Variants in TRAPPC10 observed in about 807,000 individuals in gnomAD.
The protein encoded by TRAPPC10 is trafficking protein particle complex subunit 10.
Under a neutral mutation model 125.5 loss-of-function variants are expected in TRAPPC10, and 23 were observed. The observed-to-expected ratio is 0.18, with a 90% CI of 0.13 to 0.26. TRAPPC10 has a LOEUF of 0.26. TRAPPC10 is among the 10% of genes least tolerant of loss of function. The probability of loss-of-function intolerance (pLI) is 1.00; values close to 1 mark genes in which losing one functional copy is unlikely to be tolerated. For missense variants in TRAPPC10, 1,123 were observed against 1,308.4 expected (o/e 0.86, Z 2.19); for synonymous variants, 509 against 518.0 (o/e 0.98, Z 0.24).
At chr21:44,060,578 A>T (rs1383945825) in intron 6 of TRAPPC10, among the ~76,000 whole-genome samples, 1 of 148,516 alleles carries the variant, frequency 6.7e-6, no homozygotes, top group Non-Finnish European at 1.5e-5. Context: ...GCCCGGCCTT[A>T]TGTGTCCATA....
chr21:44,083,853 A>G (rs1275915393), intron 14 of TRAPPC10, among the ~76,000 whole-genome samples: 1 of 152,218 alleles, frequency 6.6e-6, no homozygotes, highest in Non-Finnish European at 1.5e-5. Flanking sequence ...ATGTCTCTAC[A>G]ATGCCACAAA....
chr21:44,054,007 T>C (rs1282374627), intron 4 of TRAPPC10, among the ~76,000 whole-genome samples: 2 of 152,184 alleles, frequency 1.3e-5, no homozygotes, highest in African/African-American at 4.8e-5. Flanking sequence ...CAGTTACTGT[T>C]TTGGTGGTTG....
In TRAPPC10 at chr21:44,036,739, G is replaced by T. The variant is rs576609300; in HGVS notation, c.150-1053G>T. Among the ~76,000 whole-genome samples the T allele has an allele frequency of 5.9e-5, 9 of 152,322 alleles. No individual in the cohort carries two copies. The East Asian group carries it at 1.7e-3, about 29-fold the overall frequency. ...GTCTGCCAGCAACATGACATGTTTTGCTGAAGTTAAGGTGTCACTTTTTAA... is the reference window on the plus strand; with the variant it reads ...GTCTGCCAGCAACATGACATGTTTTTCTGAAGTTAAGGTGTCACTTTTTAA... On this transcript the variant is annotated intron_variant, in intron 2 of 22. Transcript: ENST00000291574.
In TRAPPC10 at chr21:44,059,334, T is replaced by A; in HGVS notation, c.790+120T>A. The A allele has an allele frequency of 1.4e-6, 1 of 702,226 alleles. No individual in the cohort carries two copies. Among genetic ancestry groups the A allele is most frequent in the East Asian group, 2.7e-5 (1 of 37,092 alleles). The allele number at this position is 702,226 out of a possible 1,614,324, so 43.5% of individuals were successfully genotyped here. The stretch of plus-strand genomic sequence containing the variant: ...TACGCATGTTTTGTTGTTGTCTTTA[T>A]ACACATTATATCGGATATATTCTCG... On this transcript the variant is annotated intron_variant, in intron 6 of 22. Transcript: ENST00000291574. This position sits in a 1 kb window ranked among gnomAD's most constrained non-coding sequence, Gnocchi z 4.4.
intron 12 of TRAPPC10, 138 bp downstream of exon 12, chr21:44,079,842 T>C: frequency 1.8e-6 from 2 of 1,091,606 alleles, no homozygotes; most frequent in Non-Finnish European, 2.6e-6. Context: ...GTATAGAAAA[T>C]GAATGAAATG....
chr21:44,061,268 C>T (rs2036032574), intron 6 of TRAPPC10, among the ~76,000 whole-genome samples: 1 of 152,324 alleles, frequency 6.6e-6, no homozygotes, highest in African/African-American at 2.4e-5. Flanking sequence ...TCCTGAGTAG[C>T]TGCGACTACA....
intron 3 of TRAPPC10, among the ~76,000 whole-genome samples, chr21:44,048,946 C>A (rs975277620): frequency 9.2e-5 from 14 of 151,966 alleles, no homozygotes; most frequent in Non-Finnish European, 1.6e-4. Flanking sequence ...TAATTAATAT[C>A]ATTGATGTGC....
In TRAPPC10 at chr21:44,082,082, A is replaced by G. The variant is rs931299673; in HGVS notation, c.1724-706A>G. Among the ~76,000 whole-genome samples the G allele has an allele frequency of 3.2e-4, 48 of 152,318 alleles. No individual in the cohort carries two copies. Among genetic ancestry groups the G allele is most frequent in the South Asian group, 4.1e-4 (2 of 4,826 alleles). ...TCTCTATACGAATAAAATATTCCAC[A>G]ATCGTTTACTGTTTCTCATGATCTA... On this transcript the variant is annotated intron_variant, in intron 13 of 22. Transcript: ENST00000291574. The surrounding 1 kb of genome is among the most constrained non-coding windows in gnomAD (Gnocchi z 4.4).
intron 1 of TRAPPC10, among the ~76,000 whole-genome samples, chr21:44,014,383 A>T (rs1206354620): frequency 6.8e-6 from 1 of 146,368 alleles, no homozygotes; most frequent in Non-Finnish European, 1.5e-5. Context: ...AGCAGAGTGA[A>T]TTTTTTTTTT....
chr21:44,067,705 G>A (rs755735486), intron 7 of TRAPPC10, among the ~76,000 whole-genome samples: 20 of 152,150 alleles, frequency 1.3e-4, no homozygotes, highest in Non-Finnish European at 2.5e-4. Context: ...TGCACACAGG[G>A]GACTGTAAGG....
rs994711202 is a variant in TRAPPC10 at position 44,055,624 on chromosome 21, G to A, written c.483-74G>A. ...AGGAAGGAAGAAAATTGCCGCTCAG[G>A]ACAATGGCAGCTGCTGAGTCGTGGT... On this transcript the variant is annotated intron_variant, in intron 4 of 22. Coordinates refer to ENST00000291574, the MANE Select transcript of TRAPPC10 (RefSeq NM_003274.5). 9.6e-6 allele frequency: 12 copies of A among 1,250,630 alleles called. 1 individual carries two copies. Among genetic ancestry groups the A allele is most frequent in the East Asian group, 2.4e-5 (1 of 42,502 alleles). 77.5% of individuals were successfully genotyped at this position (1,250,630 alleles called of 1,614,324 possible).
Position 44,063,858 on chromosome 21 carries a change from A to G in TRAPPC10, c.1038+73A>G. ...AGAAATCTCTGAACCTTGAGATCCCAGGCATTGAACTGTTTGTGCTTAAGA... is the reference window on the plus strand; with the variant it reads ...AGAAATCTCTGAACCTTGAGATCCCGGGCATTGAACTGTTTGTGCTTAAGA... On this transcript the variant is annotated intron_variant, in intron 7 of 22. Transcript: ENST00000291574. The surrounding 1 kb of genome is among the most constrained non-coding windows in gnomAD (Gnocchi z 4.4). 6.5e-7 allele frequency: 1 copy of G among 1,546,642 alleles called. No individual in the cohort carries two copies. Among genetic ancestry groups the G allele is most frequent in the Non-Finnish European group, 8.7e-7 (1 of 1,149,512 alleles).
At chr21:44,046,527 G>T in intron 3 of TRAPPC10, 1 of 184,692 alleles carries the variant, frequency 5.4e-6, no homozygotes, top group Non-Finnish European at 1.2e-5. Flanking sequence ...TTTTTTGGGG[G>T]GAGGATTGAA....
In TRAPPC10 at chr21:44,087,801, A is replaced by G. The variant is rs1463486178; in HGVS notation, c.2642A>G (p.Glu881Gly). Residue 881 changes from glutamate (E) to glycine (G), a missense_variant, in exon 17 of 23, where the codon GAA becomes GGA. By Grantham distance (98) the Glu-to-Gly change is moderately conservative. This residue lies in a region of TRAPPC10 where 840 missense variants were observed against 902.0 expected (regional missense o/e 0.93). Coordinates refer to ENST00000291574, the MANE Select transcript of TRAPPC10 (RefSeq NM_003274.5). The surrounding 1 kb of genome is among the most constrained non-coding windows in gnomAD (Gnocchi z 4.6). The part of the protein sequence containing the change: ...PAYHVIEFEL[E>G]VLSLPSAPAL... The stretch of plus-strand genomic sequence containing the variant: ...TACCACGTGATCGAATTTGAACTGG[A>G]AGTTCTCTCTTTACCTTCAGCCCCA... The G allele has an allele frequency of 6.2e-7, 1 of 1,614,230 alleles. No homozygotes were observed. Among genetic ancestry groups the G allele is most frequent in the Non-Finnish European group, 8.5e-7 (1 of 1,180,040 alleles).
chr21:44,012,924 C>T (rs1381569131), intron 1 of TRAPPC10, among the ~76,000 whole-genome samples: 11 of 152,112 alleles, frequency 7.2e-5, no homozygotes, highest in Admixed American at 6.5e-4. Flanking sequence ...CTGGGGGCCC[C>T]GGCCTCTTCC....
intron 1 of TRAPPC10, among the ~76,000 whole-genome samples, chr21:44,022,948 G>A (rs1352577095): frequency 6.6e-6 from 1 of 150,412 alleles, no homozygotes; most frequent in African/African-American, 2.5e-5. Flanking sequence ...TCTCCTTTTG[G>A]AAATTGGCAG....
chr21:44,019,635 G>A (rs1242773056), intron 1 of TRAPPC10, among the ~76,000 whole-genome samples: 1 of 152,046 alleles, frequency 6.6e-6, no homozygotes, highest in Admixed American at 6.6e-5. Flanking sequence ...TATATATAGG[G>A]CCTGCCTGGA....
At chr21:44,071,798 C>T (rs1331974180) in intron 7 of TRAPPC10, among the ~76,000 whole-genome samples, 1 of 152,340 alleles carries the variant, frequency 6.6e-6, no homozygotes, top group South Asian at 2.1e-4. Flanking sequence ...TGAGAACTCG[C>T]AGCGGAGACC....
rs538667983 is a variant in TRAPPC10, at chr21:44,046,462, A to G, written c.286-5818A>G. The stretch of plus-strand genomic sequence containing the variant: ...AGACTCCAGTTCTTCATCTCCAGGA[A>G]TAGCAAGTTGCAAGTGACAAGGGGT... On this transcript the variant is annotated intron_variant, in intron 3 of 22. Coordinates refer to ENST00000291574, the MANE Select transcript of TRAPPC10 (RefSeq NM_003274.5). 7.0e-5 allele frequency: 19 copies of G among 272,858 alleles called. No homozygotes were observed. In the South Asian group the frequency reaches 7.8e-4, roughly 11 times the overall value. 16.9% of individuals were successfully genotyped at this position (272,858 alleles called of 1,614,324 possible). A position where few individuals can be genotyped will look rare whatever the true frequency, so the allele number is the denominator to read the frequency against.
Sources: gnomAD v4.1 joint callset for allele counts (sites outside exome capture counted in the v4.1 genomes callset) on GRCh38, gnomAD v4.1.1 for gene constraint, gnomAD v4.1.1 regional missense constraint, Gnocchi (gnomAD v3.1) non-coding constraint, MANE v1.5 for transcripts, NCBI Gene and HGNC (gene_info 2026-07-23, HGNC 2026-07-21) for gene names.